Variants in FAR2 observed in about 807,000 individuals in gnomAD.
FAR2 encodes the protein epididymis secretory protein Li 81.
FAR2 carries 19 observed loss-of-function variants against 56.0 expected under a neutral mutation model. The observed-to-expected ratio is 0.34, with a 90% CI of 0.24 to 0.50. The LOEUF (loss-of-function observed/expected upper bound fraction) is 0.50, where lower values mean the gene tolerates loss of function less well. Among genes scored for constraint, FAR2 ranks in the 20% least tolerant of loss-of-function variants. The pLI, the probability that FAR2 is intolerant of heterozygous loss-of-function variation, is 0.98. For synonymous variants in FAR2, 219 were observed against 218.8 expected, an observed-to-expected ratio of 1.00 and a Z score of -0.01; for missense variants, 508 against 642.2, an observed-to-expected ratio of 0.79 and a Z score of 2.26.
intron 2 of FAR2, among the ~76,000 whole-genome samples, chr12:29,287,244 A>G (rs1486283630): frequency 2.0e-5 from 3 of 152,216 alleles, no homozygotes; most frequent in Non-Finnish European, 2.9e-5. Context: ...CAACCCTGCT[A>G]TATGCCGAAA....
intron 1 of FAR2, among the ~76,000 whole-genome samples, chr12:29,224,103 A>G (rs1195176171): frequency 6.6e-6 from 1 of 152,234 alleles, no homozygotes; most frequent in African/African-American, 2.4e-5. Flanking sequence ...AATCTGGTCT[A>G]CATTGGTTAA....
At chr12:29,243,498 G>A (rs532071307) in intron 1 of FAR2, among the ~76,000 whole-genome samples, 1 of 152,212 alleles carries the variant, frequency 6.6e-6, no homozygotes, top group Non-Finnish European at 1.5e-5. Context: ...GAGCAGTCAT[G>A]TAGCAGGTGC....
intron 1 of FAR2, among the ~76,000 whole-genome samples, chr12:29,159,494 C>T (rs535283624): frequency 6.2e-5 from 9 of 145,148 alleles, no homozygotes; most frequent in Middle Eastern, 3.6e-3. Context: ...GCCAAGATTG[C>T]GCCACTGTGT....
intron 1 of FAR2, among the ~76,000 whole-genome samples, chr12:29,246,901 T>G (rs1407098408): frequency 7.0e-6 from 1 of 143,116 alleles, no homozygotes; most frequent in Non-Finnish European, 1.5e-5. Flanking sequence ...ATGGAGACAA[T>G]TTTGGTAGGG....
chr12:29,323,753 C>A lies in FAR2; in HGVS notation c.1257+1829C>A, dbSNP rs562611967. Among the ~76,000 whole-genome samples, 1,344 of 152,188 alleles carry A rather than the reference C, an allele frequency of 8.8e-3. 6 individuals carry two copies. Among genetic ancestry groups the A allele is most frequent in the Non-Finnish European group, 0.015 (1,010 of 68,008 alleles). ...ACACCAAAAACCCATCTGTATGTCACCATCATCAAAGACCAAAGGTAGATA... is the reference window on the plus strand; with the variant it reads ...ACACCAAAAACCCATCTGTATGTCAACATCATCAAAGACCAAAGGTAGATA... On this transcript the variant is annotated intron_variant, in intron 10 of 11. Coordinates refer to ENST00000536681, the MANE Select transcript of FAR2 (RefSeq NM_001271783.2).
chr12:29,213,415 C>T (rs1317801481), intron 1 of FAR2, among the ~76,000 whole-genome samples: 3 of 152,154 alleles, frequency 2.0e-5, no homozygotes, highest in Non-Finnish European at 2.9e-5. Flanking sequence ...ATCAGCCGGA[C>T]GCGGTGGCTC....
chr12:29,231,881 C>T (rs1947863803), intron 1 of FAR2, among the ~76,000 whole-genome samples: 1 of 152,174 alleles, frequency 6.6e-6, no homozygotes, highest in South Asian at 2.1e-4. Flanking sequence ...ATCTCACTGT[C>T]ATATAAGAGA....
At chr12:29,232,906 T>A (rs1947882104) in intron 1 of FAR2, among the ~76,000 whole-genome samples, 1 of 152,016 alleles carries the variant, frequency 6.6e-6, no homozygotes, top group African/African-American at 2.4e-5. Flanking sequence ...ATGGACCTTG[T>A]CACCCAGAGT....
At chr12:29,299,287 CT>C (rs1412730649) in intron 4 of FAR2, among the ~76,000 whole-genome samples, 1 of 151,530 alleles carries the variant, frequency 6.6e-6, no homozygotes, top group African/African-American at 2.4e-5. Context: ...TGAAGGGCTT[CT>C]CTAGGTACTC....
chr12:29,289,063 T>TC, intron 2 of FAR2, among the ~76,000 whole-genome samples: 1 of 152,236 alleles, frequency 6.6e-6, no homozygotes, highest in East Asian at 1.9e-4. Context: ...AGAAAAGTAT[T>TC]CCATGTTCAT....
At chr12:29,220,594 G>C (rs1947674527) in intron 1 of FAR2, among the ~76,000 whole-genome samples, 1 of 152,050 alleles carries the variant, frequency 6.6e-6, no homozygotes. Flanking sequence ...ATGATATTTA[G>C]TGTAAATGCC....
intron 1 of FAR2, among the ~76,000 whole-genome samples, chr12:29,240,498 G>A (rs1315050379): frequency 6.9e-6 from 1 of 145,396 alleles, no homozygotes; most frequent in Non-Finnish European, 1.5e-5. Flanking sequence ...GTGACACAGA[G>A]AAATCATGGC....
At chr12:29,273,165 G>A (rs1948647803) in intron 2 of FAR2, among the ~76,000 whole-genome samples, 1 of 152,136 alleles carries the variant, frequency 6.6e-6, no homozygotes, top group Non-Finnish European at 1.5e-5. Context: ...TTGTCCCTTG[G>A]TGGAGAGGGT....
chr12:29,314,949 A>G (rs1591962035), intron 8 of FAR2, among the ~76,000 whole-genome samples: 1 of 152,162 alleles, frequency 6.6e-6, no homozygotes, highest in Admixed American at 6.5e-5. Context: ...CTCAAAAAAT[A>G]TTTATTGGGC....
At chr12:29,174,001 C>G (rs1482367324) in intron 1 of FAR2, among the ~76,000 whole-genome samples, 1 of 152,048 alleles carries the variant, frequency 6.6e-6, no homozygotes, top group Non-Finnish European at 1.5e-5. Flanking sequence ...TTCTCGAAAA[C>G]CTGTTGGAGT....
intron 9 of FAR2, among the ~76,000 whole-genome samples, chr12:29,320,610 C>A (rs1230361129): frequency 6.6e-6 from 1 of 152,178 alleles, no homozygotes; most frequent in Non-Finnish European, 1.5e-5. Flanking sequence ...TGGTTAACTA[C>A]AAATCAAGTG....
chr12:29,242,590 A>G (rs1056559464), intron 1 of FAR2, among the ~76,000 whole-genome samples: 12 of 152,194 alleles, frequency 7.9e-5, no homozygotes, highest in African/African-American at 2.9e-4. Context: ...GAAATACAGA[A>G]GTAGGATTGC....
chr12:29,300,086 G>C (rs757086213), intron 4 of FAR2, among the ~76,000 whole-genome samples: 6 of 152,170 alleles, frequency 3.9e-5, no homozygotes, highest in Non-Finnish European at 7.4e-5. Flanking sequence ...TGAATGAAAA[G>C]CTTTTGGTGG....
intron 3 of FAR2, among the ~76,000 whole-genome samples, chr12:29,296,092 A>G (rs1469336848): frequency 6.6e-6 from 1 of 152,176 alleles, no homozygotes; most frequent in Non-Finnish European, 1.5e-5. Flanking sequence ...TTATCAGTGG[A>G]CACCTTACTG....
Sources: allele counts gnomAD v4.1 joint callset (sites outside exome capture counted in the v4.1 genomes callset), GRCh38; gene constraint gnomAD v4.1.1; transcripts MANE v1.5; gene names NCBI Gene and HGNC (gene_info 2026-07-23, HGNC 2026-07-21).